STAT3: variants seen among roughly 807,000 people sequenced by gnomAD.
The protein encoded by STAT3 is DNA-binding protein APRF.
A neutral mutation model predicts 114.3 loss-of-function variants in STAT3; 7 were observed. The observed-to-expected ratio is 0.06, with a 90% CI of 0.03 to 0.11. The LOEUF (loss-of-function observed/expected upper bound fraction) is 0.11, where lower values mean the gene tolerates loss of function less well. STAT3 is among the 10% of genes least tolerant of loss of function. The probability of loss-of-function intolerance (pLI) is 1.00; values close to 1 mark genes in which losing one functional copy is unlikely to be tolerated. For missense variants in STAT3, 364 were observed against 960.9 expected (o/e 0.38, Z 8.21); for synonymous variants, 331 against 354.5 (o/e 0.93, Z 0.74).
chr17:42,322,203 G>C, intron 21 of STAT3, 79 bp downstream of exon 21: 3 of 1,347,480 alleles, frequency 2.2e-6, no homozygotes, highest in Non-Finnish European at 3.2e-6. Context: ...TCAGGCATTT[G>C]CCTATCTATC....
intron 21 of STAT3, among the ~76,000 whole-genome samples, chr17:42,320,762 TTTATGA>T (rs2081440218): frequency 6.8e-6 from 1 of 147,406 alleles, no homozygotes; most frequent in African/African-American, 2.5e-5. Context: ...CATCATTGGC[TTTATGA>T]TTACAGAAAG....
chr17:42,328,063 A>T (rs2144750075), intron 14 of STAT3, among the ~76,000 whole-genome samples: 1 of 129,882 alleles, frequency 7.7e-6, no homozygotes, highest in South Asian at 2.5e-4. Context: ...AAAGAAATTA[A>T]ATTATAATTC....
chr17:42,342,235 C>A (rs7206950), intron 4 of STAT3, among the ~76,000 whole-genome samples: 11,218 of 152,066 alleles, frequency 0.074, 1,380 homozygotes, highest in African/African-American at 0.26. Flanking sequence ...GTAATCCCAG[C>A]ACTTTGGGAG....
chr17:42,385,500 C>T (rs555874598), intron 1 of STAT3, among the ~76,000 whole-genome samples: 4 of 123,214 alleles, frequency 3.2e-5, no homozygotes, highest in Non-Finnish European at 3.5e-5. Flanking sequence ...TAGAGTGCAA[C>T]TCCAACTCAA....
In STAT3 at chr17:42,337,788, A is replaced by T; in HGVS notation, c.620T>A (p.Leu207His). The change falls in exon 7 of 24, where the codon CTC becomes CAC. Residue 207 changes from leucine (L) to histidine (H), a missense_variant. Leu to His is a moderately conservative substitution (Grantham distance 99, BLOSUM62 -3). Around this residue, in one of 5 missense-constraint regions of STAT3, gnomAD observed 294 missense variants for 745.1 expected, o/e 0.39. Coordinates refer to ENST00000264657, the MANE Select transcript of STAT3 (RefSeq NM_139276.3). The surrounding 1 kb of genome is among the most constrained non-coding windows in gnomAD (Gnocchi z 4.0). ...RQKMQQLEQM[L>H]TALDQMRRSI... ...TCTCCGCATCTGGTCCAGCGCAGTG[A>T]GCATCTGTTCCAGCTGCTGCATCTT... The T allele has an allele frequency of 6.2e-7, 1 of 1,614,254 alleles. No individual in the cohort carries two copies. The highest frequency in any genetic ancestry group is 8.5e-7 in the Non-Finnish European group (1 of 1,180,052).
chr17:42,370,065 G>A (rs1332175931), intron 1 of STAT3, among the ~76,000 whole-genome samples: 1 of 151,826 alleles, frequency 6.6e-6, no homozygotes, highest in Admixed American at 6.6e-5. Context: ...TCCACCTCCT[G>A]GTTCAAGCGA....
At chr17:42,362,572 T>C (rs2083567371) in intron 1 of STAT3, among the ~76,000 whole-genome samples, 2 of 152,242 alleles carry the variant, frequency 1.3e-5, no homozygotes. Flanking sequence ...TAGCATGGAT[T>C]TGAATCCTGG....
intron 1 of STAT3, among the ~76,000 whole-genome samples, chr17:42,351,285 A>T (rs1186580695): frequency 6.6e-6 from 1 of 152,080 alleles, no homozygotes; most frequent in Non-Finnish European, 1.5e-5. Context: ...GCACTCTGTC[A>T]CCCAGGCTGG....
chr17:42,363,806 G>GC (rs955180974), intron 1 of STAT3, among the ~76,000 whole-genome samples: 1 of 151,644 alleles, frequency 6.6e-6, no homozygotes, highest in African/African-American at 2.4e-5. Context: ...TCTCCTCCTT[G>GC]CCCCCCACCC....
intron 1 of STAT3, among the ~76,000 whole-genome samples, chr17:42,354,106 GT>G (rs1567736715): frequency 6.6e-6 from 1 of 151,074 alleles, no homozygotes; most frequent in African/African-American, 2.4e-5. Flanking sequence ...GGATTTTTTG[GT>G]TGTTGCTGTT....
At chr17:42,381,659 G>C (rs1030083395) in intron 1 of STAT3, among the ~76,000 whole-genome samples, 1 of 151,276 alleles carries the variant, frequency 6.6e-6, no homozygotes, top group South Asian at 2.1e-4. Flanking sequence ...GTGAACCCGG[G>C]AGGCGGAGCT....
rs769372865 is a variant in STAT3, at chr17:42,316,872, G to A, written c.2174C>T (p.Pro725Leu). 5 of 1,612,932 alleles carry A rather than the reference G, an allele frequency of 3.1e-6. No homozygotes were observed. Among genetic ancestry groups the A allele is most frequent in the African/African-American group, 1.3e-5 (1 of 74,526 alleles). ...PTTCSNTIDL[P>L]MSPRTLDSLM... Reference sequence around the variant, plus strand: ...TGAATCTAAAGTGCGGGGGGACATCGGCAGGTCAATGGTATTGCTGCAGGT... The same window carrying A: ...TGAATCTAAAGTGCGGGGGGACATCAGCAGGTCAATGGTATTGCTGCAGGT... The change falls in exon 23 of 24, where the codon CCG (proline) becomes CTG (leucine). Residue 725 changes from proline (P) to leucine (L), a missense_variant. Transcript: ENST00000264657.
At chr17:42,359,537 C>A (rs966691001) in intron 1 of STAT3, among the ~76,000 whole-genome samples, 1 of 151,870 alleles carries the variant, frequency 6.6e-6, no homozygotes, top group African/African-American at 2.4e-5. Flanking sequence ...GGTGAAAACA[C>A]TAAGTGATAT....
intron 1 of STAT3, among the ~76,000 whole-genome samples, chr17:42,360,452 C>T (rs2083457947): frequency 6.6e-6 from 1 of 151,904 alleles, no homozygotes; most frequent in Non-Finnish European, 1.5e-5. Context: ...CGAGACCAGC[C>T]TGACCAACAT....
At chr17:42,331,893 A>T (rs1342942934) in intron 10 of STAT3, among the ~76,000 whole-genome samples, 1 of 151,238 alleles carries the variant, frequency 6.6e-6, no homozygotes, top group East Asian at 2.0e-4. Context: ...ATGCCACTGC[A>T]CTCTAGCCTA....
At chr17:42,316,934 CGGG>C (rs752617805) in intron 22 of STAT3, 33 bp from the exon 23 acceptor site, 8 of 1,589,060 alleles carry the variant, frequency 5.0e-6, no homozygotes, top group African/African-American at 1.4e-5. Context: ...GGAGGGGAAA[CGGG>C]GGGTTGACAA....
chr17:42,333,042 A>G lies in STAT3; in HGVS notation c.1049+631T>C, dbSNP rs1317358127. Among the ~76,000 whole-genome samples the G allele has an allele frequency of 1.3e-5, 2 of 152,200 alleles. No homozygotes were observed. Among genetic ancestry groups the G allele is most frequent in the African/African-American group, 4.8e-5 (2 of 41,462 alleles). On this transcript the variant is annotated intron_variant, in intron 10 of 23. Transcript: ENST00000264657. This position sits in a 1 kb window ranked among gnomAD's most constrained non-coding sequence, Gnocchi z 5.2. ...AGTATCACTCCTTCAAGCCAAAGGT[A>G]CTGAGAAAACATCTAAGAACTAACA...
chr17:42,379,545 AC>A (rs1183049495), intron 1 of STAT3, among the ~76,000 whole-genome samples: 2 of 152,164 alleles, frequency 1.3e-5, no homozygotes, highest in Admixed American at 6.6e-5. Flanking sequence ...ATACCTGGCC[AC>A]CGGGATGCCT....
intron 1 of STAT3, among the ~76,000 whole-genome samples, chr17:42,359,681 A>T (rs2083412421): frequency 6.6e-6 from 1 of 152,198 alleles, no homozygotes; most frequent in African/African-American, 2.4e-5. Flanking sequence ...TGACATACTT[A>T]TTTGCTCATT....
Sources: allele counts gnomAD v4.1 joint callset (sites outside exome capture counted in the v4.1 genomes callset), GRCh38; gene constraint gnomAD v4.1.1; regional missense constraint gnomAD v4.1.1; non-coding constraint Gnocchi (gnomAD v3.1); transcripts MANE v1.5; gene names NCBI Gene and HGNC (gene_info 2026-07-23, HGNC 2026-07-21).